The following ZFP1 variants were observed in gnomAD, a reference collection of about 807,000 sequenced individuals.
ZFP1 encodes the protein ZFP1 zinc finger protein.
Under a neutral mutation model 38.5 loss-of-function variants are expected in ZFP1, and 32 were observed. That is an observed-to-expected ratio of 0.83 (90% confidence interval 0.63 to 1.12). The LOEUF (loss-of-function observed/expected upper bound fraction) is 1.12, where lower values mean the gene tolerates loss of function less well. Among genes scored for constraint, ZFP1 ranks in the 50% most tolerant of loss-of-function variants. The pLI, the probability that ZFP1 is intolerant of heterozygous loss-of-function variation, is 0.00. For synonymous variants in ZFP1, 245 were observed against 168.8 expected (o/e 1.45, Z -3.50); for missense variants, 616 against 480.8 (o/e 1.28, Z -2.63).
rs371239240 is a variant in ZFP1 at position 75,163,248 on chromosome 16, C to G, written c.16-3522C>G. 8.0e-4 allele frequency among the ~76,000 whole-genome samples: 122 copies of G among 152,086 alleles called. 1 individual carries two copies. The highest frequency in any genetic ancestry group is 2.9e-3 in the African/African-American group (119 of 41,502). On this transcript the variant is annotated intron_variant, in intron 2 of 3. Coordinates refer to ENST00000570010, the MANE Select transcript of ZFP1 (RefSeq NM_153688.4). ...CAAAAATCATACATTAATGTTGTCTCTTACTGTCTCTATCATATGAGGATC... is the reference window on the plus strand; with the variant it reads ...CAAAAATCATACATTAATGTTGTCTGTTACTGTCTCTATCATATGAGGATC...
chr16:75,161,774 A>ATATATATATATATATATATATATTT (rs1555523101), intron 2 of ZFP1, among the ~76,000 whole-genome samples: 2 of 7,812 alleles, frequency 2.6e-4, no homozygotes, highest in East Asian at 1.7e-3. Context: ...ATATATATAT[A>ATATATATATATATATATATATATTT]TTTTTTTTTT....
At chr16:75,133,335 T>C in the ZFP1 span, among the ~76,000 whole-genome samples, 1 of 152,186 alleles carries the variant, frequency 6.6e-6, no homozygotes, top group Non-Finnish European at 1.5e-5. Flanking sequence ...GGTAAACTCA[T>C]GTCATGGGGG....
At chr16:75,165,468 C>G (rs1006701269) in intron 2 of ZFP1, among the ~76,000 whole-genome samples, 1 of 152,042 alleles carries the variant, frequency 6.6e-6, no homozygotes, top group East Asian at 1.9e-4. Flanking sequence ...AGTCTGGGCT[C>G]ACTGCAGCCT....
chr16:75,143,159 A>AAAAAAAG, the ZFP1 span, among the ~76,000 whole-genome samples: 3 of 152,254 alleles, frequency 2.0e-5, no homozygotes, highest in Non-Finnish European at 2.9e-5. Context: ...TGGCAAATAA[A>AAAAAAAG]AAAAAAGATA....
chr16:75,123,830 AC>A, the ZFP1 span, among the ~76,000 whole-genome samples: 4 of 150,492 alleles, frequency 2.7e-5, no homozygotes, highest in African/African-American at 9.7e-5. Flanking sequence ...GGTGGCTCAC[AC>A]CTGTAATCCC....
the ZFP1 span, among the ~76,000 whole-genome samples, chr16:75,141,185 T>C: frequency 6.7e-6 from 1 of 149,172 alleles, no homozygotes; most frequent in Non-Finnish European, 1.5e-5. Context: ...ATTATACAAA[T>C]TGGGTCATTC....
chr16:75,139,674 C>T, the ZFP1 span, among the ~76,000 whole-genome samples: 4 of 152,080 alleles, frequency 2.6e-5, no homozygotes, highest in East Asian at 1.9e-4. Flanking sequence ...GGAGATCCCT[C>T]TTGATAAGAG....
At chr16:75,159,361 TTCCC>T (rs1209678051) in intron 2 of ZFP1, among the ~76,000 whole-genome samples, 9 of 27,964 alleles carry the variant, frequency 3.2e-4, no homozygotes, top group African/African-American at 7.3e-4. Flanking sequence ...CTTCTTTCCT[TTCCC>T]TCCCTCCCTC....
At chr16:75,132,255 G>A in the ZFP1 span, among the ~76,000 whole-genome samples, 1 of 152,018 alleles carries the variant, frequency 6.6e-6, no homozygotes, top group Non-Finnish European at 1.5e-5. Context: ...CAGGCATGGC[G>A]GCATATGCCT....
At chr16:75,157,069 C>T (rs1597051132) in intron 2 of ZFP1, 1 of 152,104 alleles carries the variant, frequency 6.6e-6, no homozygotes, top group South Asian at 2.1e-4. Flanking sequence ...TCACCATCTC[C>T]CACCGCTGTC....
At chr16:75,156,525 G>C (rs1459140525) in intron 2 of ZFP1, among the ~76,000 whole-genome samples, 4 of 152,130 alleles carry the variant, frequency 2.6e-5, no homozygotes, top group Admixed American at 6.6e-5. Flanking sequence ...AAGATGAGCT[G>C]AATTGAATTT....
chr16:75,156,698 G>C lies in ZFP1; in HGVS notation c.15+3732G>C, dbSNP rs528367629. ...AATTTTTGGTACGAATATAATTAGA[G>C]GGAGTGGGATGCTATGCATTTTCTG... On this transcript the variant is annotated intron_variant, in intron 2 of 3. Transcript: ENST00000570010. 1.4e-4 allele frequency among the ~76,000 whole-genome samples: 22 copies of C among 152,288 alleles called. No homozygotes were observed. The South Asian group carries it at 4.6e-3, about 32-fold the overall frequency.
intron 1 of ZFP1, among the ~76,000 whole-genome samples, chr16:75,150,620 A>G (rs1180480448): frequency 1.3e-5 from 2 of 151,720 alleles, no homozygotes; most frequent in Admixed American, 6.6e-5. Flanking sequence ...TTGTTTTTGT[A>G]TTGTATTTTT....
chr16:75,169,467 G>T lies in ZFP1; in HGVS notation c.357G>T (p.Leu119Phe), dbSNP rs768885356. ...AAACTTTGAAATATAATTCAGACTT[G>T]CTTAATAGTAATAGAAGCTATGCAG... ...YEKTLKYNSD[L>F]LNSNRSYAGK... Residue 119 changes from leucine to phenylalanine, a missense_variant, in exon 4 of 4, where the codon TTG becomes TTT. Leu to Phe is a conservative substitution (Grantham distance 22, BLOSUM62 0). Coordinates refer to ENST00000570010, the MANE Select transcript of ZFP1 (RefSeq NM_153688.4). 3.1e-6 allele frequency: 5 copies of T among 1,612,784 alleles called. No homozygotes were observed. Among genetic ancestry groups the T allele is most frequent in the Non-Finnish European group, 4.2e-6 (5 of 1,179,770 alleles).
At chr16:75,153,048 G>C in intron 2 of ZFP1, 82 bp downstream of exon 2, 5 of 1,551,094 alleles carry the variant, frequency 3.2e-6, no homozygotes, top group Non-Finnish European at 4.4e-6. Flanking sequence ...AAATAGAAAA[G>C]TATGAATAAG....
chr16:75,122,522 G>A, the ZFP1 span, among the ~76,000 whole-genome samples: 54 of 152,332 alleles, frequency 3.5e-4, no homozygotes, highest in African/African-American at 1.3e-3. Flanking sequence ...CTTTAAAATG[G>A]AGAATCAAAG....
At chr16:75,144,674 G>T (rs142529539), upstream of ZFP1, among the ~76,000 whole-genome samples, 1 of 152,096 alleles carries the variant, frequency 6.6e-6, no homozygotes, top group Non-Finnish European at 1.5e-5. Flanking sequence ...AAACAGAAAC[G>T]CTATACCGTT....
chr16:75,168,825 A>G (rs1227111341), intron 3 of ZFP1, among the ~76,000 whole-genome samples: 4 of 152,156 alleles, frequency 2.6e-5, no homozygotes, highest in Admixed American at 1.3e-4. Flanking sequence ...AAATAATACT[A>G]TTAGTCGAGA....
chr16:75,168,959 G>C lies in ZFP1; in HGVS notation c.143-294G>C, dbSNP rs578096569. 5.3e-5 allele frequency among the ~76,000 whole-genome samples: 8 copies of C among 152,180 alleles called. No homozygotes were observed. In the South Asian group the frequency reaches 1.7e-3, roughly 32 times the overall value. On this transcript the variant is annotated intron_variant, in intron 3 of 3. Coordinates refer to ENST00000570010, the MANE Select transcript of ZFP1 (RefSeq NM_153688.4). ...GGCATTGCCAGCCTTCTCATATTGT[G>C]TTCTGTTTTCTGTCTCCTTTCACCC...
Sources: allele counts gnomAD v4.1 joint callset (sites outside exome capture counted in the v4.1 genomes callset), GRCh38; gene constraint gnomAD v4.1.1; transcripts MANE v1.5; gene names NCBI Gene and HGNC (gene_info 2026-07-23, HGNC 2026-07-21).